GPC6: variants seen among roughly 807,000 people sequenced by gnomAD.
GPC6 encodes glypican-6.
A neutral mutation model predicts 55.2 loss-of-function variants in GPC6; 14 were observed. That is an observed-to-expected ratio of 0.25 (90% confidence interval 0.17 to 0.40). The LOEUF (loss-of-function observed/expected upper bound fraction) is 0.40. Ranked by LOEUF, GPC6 falls within the 10% of genes least tolerant of loss-of-function variation. The probability of loss-of-function intolerance (pLI) is 1.00; values close to 1 mark genes in which losing one functional copy is unlikely to be tolerated. For synonymous variants in GPC6, 278 were observed against 259.6 expected (o/e 1.07, Z -0.68); for missense variants, 641 against 708.5 (o/e 0.90, Z 1.08).
intron 2 of GPC6, among the ~76,000 whole-genome samples, chr13:93,605,128 A>T (rs1340152034): frequency 6.6e-6 from 1 of 152,150 alleles, no homozygotes; most frequent in East Asian, 1.9e-4. Flanking sequence ...ACTAGATATC[A>T]GATAGTCAGC....
intron 1 of GPC6, among the ~76,000 whole-genome samples, chr13:93,529,478 A>G (rs1288862727): frequency 6.8e-6 from 1 of 148,084 alleles, no homozygotes; most frequent in Non-Finnish European, 1.5e-5. Flanking sequence ...CTCAAAACAT[A>G]GATGCTTCCT....
intron 2 of GPC6, among the ~76,000 whole-genome samples, chr13:93,573,337 G>T (rs1231920615): frequency 6.6e-6 from 1 of 152,044 alleles, no homozygotes; most frequent in East Asian, 1.9e-4. Context: ...AATGTGTAAA[G>T]TCACATGAGA....
At chr13:94,092,029 A>G (rs1885503255) in intron 4 of GPC6, among the ~76,000 whole-genome samples, 1 of 149,438 alleles carries the variant, frequency 6.7e-6, no homozygotes, top group African/African-American at 2.5e-5. Context: ...AAAATGTGAT[A>G]TTTTGAGATG....
intron 4 of GPC6, among the ~76,000 whole-genome samples, chr13:94,282,909 C>T (rs777843431): frequency 1.5e-4 from 23 of 152,208 alleles, no homozygotes; most frequent in Non-Finnish European, 2.5e-4. Flanking sequence ...ACATAAACCC[C>T]ACCTCTCCGT....
chr13:94,251,374 C>T (rs1455436701), intron 4 of GPC6, among the ~76,000 whole-genome samples: 1 of 150,696 alleles, frequency 6.6e-6, no homozygotes, highest in Non-Finnish European at 1.5e-5. Context: ...ACCTAGATGA[C>T]GGGTTGATAG....
At chr13:93,522,097 T>G (rs1197997332) in intron 1 of GPC6, among the ~76,000 whole-genome samples, 1 of 151,970 alleles carries the variant, frequency 6.6e-6, no homozygotes, top group Non-Finnish European at 1.5e-5. Context: ...TCAAAATGAT[T>G]GCTGGGTATC....
chr13:93,973,851 A>T (rs575490760), intron 3 of GPC6, among the ~76,000 whole-genome samples: 5 of 152,162 alleles, frequency 3.3e-5, no homozygotes, highest in African/African-American at 1.2e-4. Flanking sequence ...AAAGGGGTAC[A>T]TGATCTAAAA....
chr13:93,802,707 C>A (rs542841739), intron 2 of GPC6, among the ~76,000 whole-genome samples: 7 of 151,970 alleles, frequency 4.6e-5, no homozygotes, highest in Non-Finnish European at 7.4e-5. Flanking sequence ...CTGAAAATAA[C>A]CTTTTACAGA....
chr13:93,375,925 T>TA lies in GPC6; in HGVS notation c.160+148314dup, dbSNP rs528520800. Among the ~76,000 whole-genome samples, 6 of 152,286 alleles carry TA rather than the reference T, an allele frequency of 3.9e-5. No individual in the cohort carries two copies. The South Asian group carries it at 1.0e-3, about 26-fold the overall frequency. ...GATCTTTTCTGTTCATTCTTGAGAG[T>TA]AAAAATAACAATTTTTAAAAAATAA... On this transcript the variant is annotated intron_variant, in intron 1 of 8. Transcript: ENST00000377047.
chr13:94,190,759 G>A (rs948252729), intron 4 of GPC6, among the ~76,000 whole-genome samples: 3 of 152,226 alleles, frequency 2.0e-5, no homozygotes, highest in South Asian at 4.2e-4. Context: ...AAAAGGCCAC[G>A]ATGTGTGTAA....
At chr13:94,328,108 G>A (rs557206830) in intron 6 of GPC6, among the ~76,000 whole-genome samples, 8 of 152,112 alleles carry the variant, frequency 5.3e-5, no homozygotes, top group Admixed American at 1.3e-4. Flanking sequence ...ACCAGCATTC[G>A]GAATATGTGG....
At chr13:94,084,751 G>C (rs1396448221) in intron 4 of GPC6, among the ~76,000 whole-genome samples, 1 of 152,158 alleles carries the variant, frequency 6.6e-6, no homozygotes, top group African/African-American at 2.4e-5. Context: ...AGATCACAAA[G>C]CTTATTTGGT....
At chr13:94,181,381 G>A (rs9524363) in intron 4 of GPC6, among the ~76,000 whole-genome samples, 53,386 of 152,010 alleles carry the variant, frequency 0.35, 9,662 homozygotes, top group Middle Eastern at 0.42. Flanking sequence ...ACACTTAGGG[G>A]AAATAGAAAA....
chr13:93,848,717 C>G (rs943524904), intron 3 of GPC6, among the ~76,000 whole-genome samples: 2 of 152,096 alleles, frequency 1.3e-5, no homozygotes, highest in Non-Finnish European at 1.5e-5. Context: ...TCTTCCATCT[C>G]TCACTTACCT....
chr13:93,304,172 A>G (rs1279775352), intron 1 of GPC6, among the ~76,000 whole-genome samples: 3 of 151,964 alleles, frequency 2.0e-5, no homozygotes, highest in Non-Finnish European at 4.4e-5. Flanking sequence ...GGCCGTAGAG[A>G]CTATTTAATA....
intron 6 of GPC6, among the ~76,000 whole-genome samples, chr13:94,378,779 T>C (rs1880021196): frequency 6.6e-6 from 1 of 152,210 alleles, no homozygotes; most frequent in South Asian, 2.1e-4. Context: ...TTACTGGGAT[T>C]ACTAATATTA....
intron 3 of GPC6, among the ~76,000 whole-genome samples, chr13:93,869,712 G>A (rs1328446235): frequency 6.6e-6 from 1 of 151,750 alleles, no homozygotes; most frequent in African/African-American, 2.4e-5. Flanking sequence ...TTTAAATGGT[G>A]AACCAATAAT....
intron 4 of GPC6, among the ~76,000 whole-genome samples, chr13:94,091,564 A>G (rs1323932886): frequency 1.3e-5 from 2 of 152,160 alleles, no homozygotes; most frequent in Non-Finnish European, 2.9e-5. Context: ...ACCACACAAC[A>G]AACTTTGTAT....
chr13:94,005,762 T>C (rs1881992921), intron 3 of GPC6, among the ~76,000 whole-genome samples: 1 of 152,178 alleles, frequency 6.6e-6, no homozygotes, highest in Admixed American at 6.5e-5. Context: ...TTTATTCCCA[T>C]CCCGTTCCAT....
Sources: allele counts gnomAD v4.1 joint callset (sites outside exome capture counted in the v4.1 genomes callset), GRCh38; gene constraint gnomAD v4.1.1; transcripts MANE v1.5; gene names NCBI Gene and HGNC (gene_info 2026-07-23, HGNC 2026-07-21).